The following FBXO28 variants were observed in gnomAD, a reference collection of about 807,000 sequenced individuals.
FBXO28 encodes the protein F-box only protein 28.
A neutral mutation model predicts 38.1 loss-of-function variants in FBXO28; 8 were observed. The ratio of observed to expected loss-of-function variants is 0.21; its 90% confidence interval spans 0.12 to 0.38. The LOEUF (loss-of-function observed/expected upper bound fraction) is 0.38, where lower values mean the gene tolerates loss of function less well. Ranked by LOEUF, FBXO28 falls within the 10% of genes least tolerant of loss-of-function variation. FBXO28 has a pLI of 1.00. For missense variants in FBXO28, 345 were observed against 460.6 expected (o/e 0.75, Z 2.30); for synonymous variants, 168 against 173.8 (o/e 0.97, Z 0.26).
chr1:224,157,566 C>T lies in FBXO28; in HGVS notation c.927C>T (p.Ile309=), dbSNP rs777854711. 1.2e-6 allele frequency: 2 copies of T among 1,614,218 alleles called. No individual in the cohort carries two copies. Among genetic ancestry groups the T allele is most frequent in the Non-Finnish European group, 1.7e-6 (2 of 1,180,044 alleles). ...AGAAACTGCTAGAGCAGACCCAGAT[C>T]ATAGGTGAACAAAATGCACGGTTGG... ...QDQKLLEQTQ[I]IGEQNARLAE... is the part of the protein sequence containing the mutation. The change falls in exon 5 of 5, where the codon ATC becomes ATT. Residue 309 remains isoleucine (I), a synonymous_variant. Transcript: ENST00000366862.
chr1:224,116,076 A>G (rs1430441743), intron 1 of FBXO28, among the ~76,000 whole-genome samples: 1 of 152,144 alleles, frequency 6.6e-6, no homozygotes, highest in Non-Finnish European at 1.5e-5. Flanking sequence ...TATAATTTCA[A>G]ACTCAGATTT....
At chr1:224,123,648 G>A (rs560089496) in intron 1 of FBXO28, among the ~76,000 whole-genome samples, 16 of 151,874 alleles carry the variant, frequency 1.1e-4, no homozygotes, top group South Asian at 4.2e-4. Flanking sequence ...TCTTAAAATC[G>A]AAGGAGTTGA....
intron 1 of FBXO28, 141 bp downstream of exon 1, chr1:224,114,537 A>G: frequency 1.5e-6 from 1 of 686,342 alleles, no homozygotes; most frequent in Non-Finnish European, 2.4e-6. Flanking sequence ...TCCCGTCCCG[A>G]ACTCTCCCTT....
At chr1:224,121,381 G>A (rs1229724306) in intron 1 of FBXO28, among the ~76,000 whole-genome samples, 2 of 152,090 alleles carry the variant, frequency 1.3e-5, no homozygotes, top group East Asian at 1.9e-4. Flanking sequence ...GGGTATATAC[G>A]CAGAGAATCT....
chr1:224,152,728 A>G (rs1657676204), intron 3 of FBXO28, among the ~76,000 whole-genome samples: 1 of 152,028 alleles, frequency 6.6e-6, no homozygotes, highest in Non-Finnish European at 1.5e-5. Context: ...CAAGAGTTTG[A>G]GACCAACCTG....
intron 3 of FBXO28, among the ~76,000 whole-genome samples, chr1:224,135,148 T>G (rs1018169022): frequency 1.6e-4 from 24 of 152,314 alleles, no homozygotes; most frequent in Middle Eastern, 3.4e-3. Context: ...TACCAACACA[T>G]TACCTGCTAA....
chr1:224,158,123 T>A lies in FBXO28; in HGVS notation c.*377T>A. 1.0e-6 allele frequency: 1 copy of A among 995,854 alleles called. No individual in the cohort carries two copies. Among genetic ancestry groups the A allele is most frequent in the Non-Finnish European group, 1.2e-6 (1 of 837,178 alleles). 61.7% of individuals were successfully genotyped at this position (995,854 alleles called of 1,614,324 possible). On this transcript the variant is annotated 3_prime_UTR_variant, in exon 5 of 5. Transcript: ENST00000366862. ...TAAGTTTAATACAGAAAATGTCCTG[T>A]TCACTTGAAAGAAAAGACCTACTTT...
chr1:224,131,806 C>G (rs970553609), intron 2 of FBXO28, among the ~76,000 whole-genome samples: 4 of 151,974 alleles, frequency 2.6e-5, no homozygotes, highest in African/African-American at 7.3e-5. Flanking sequence ...AAAAATTAAG[C>G]AAATTGGACT....
chr1:224,126,383 C>G (rs552670759), intron 1 of FBXO28, among the ~76,000 whole-genome samples: 2 of 152,284 alleles, frequency 1.3e-5, no homozygotes, highest in East Asian at 3.9e-4. Flanking sequence ...AAATATATTG[C>G]TGCTAAAAAT....
At chr1:224,126,399 C>A (rs146909985) in intron 1 of FBXO28, among the ~76,000 whole-genome samples, 1 of 152,178 alleles carries the variant, frequency 6.6e-6, no homozygotes, top group Non-Finnish European at 1.5e-5. Flanking sequence ...AAAATTATTT[C>A]TTCTCAGAAA....
intron 1 of FBXO28, among the ~76,000 whole-genome samples, chr1:224,118,602 C>T (rs1398203022): frequency 6.6e-6 from 1 of 152,154 alleles, no homozygotes; most frequent in Non-Finnish European, 1.5e-5. Flanking sequence ...AAATCTATTA[C>T]CTATTTATAG....
At chr1:224,155,204 C>T (rs1302148364) in intron 4 of FBXO28, among the ~76,000 whole-genome samples, 3 of 151,764 alleles carry the variant, frequency 2.0e-5, no homozygotes, top group Non-Finnish European at 1.5e-5. Context: ...CTCACTCTGT[C>T]GCCCAGGCTG....
intron 3 of FBXO28, among the ~76,000 whole-genome samples, chr1:224,143,793 G>A (rs1241384210): frequency 3.4e-5 from 5 of 145,606 alleles, no homozygotes; most frequent in African/African-American, 7.7e-5. Context: ...CTGAGATCAC[G>A]CCACTGCACT....
chr1:224,123,461 A>AAAAAT (rs1656827310), intron 1 of FBXO28, among the ~76,000 whole-genome samples: 1 of 151,344 alleles, frequency 6.6e-6, no homozygotes, highest in African/African-American at 2.4e-5. Flanking sequence ...AAAAAAAAAA[A>AAAAAT]AAAAATTGGG....
At chr1:224,133,993 A>T in intron 2 of FBXO28, 81 bp from the exon 3 acceptor site, 1 of 998,468 alleles carries the variant, frequency 1.0e-6, no homozygotes, top group Non-Finnish European at 1.4e-6. Context: ...CTGTTTCATT[A>T]AGCCATCTTG....
chr1:224,137,734 C>G (rs66506223), intron 3 of FBXO28, among the ~76,000 whole-genome samples: 76,709 of 151,542 alleles, frequency 0.51, 20,871 homozygotes, highest in South Asian at 0.6. Flanking sequence ...GAGTTAAAAG[C>G]TCCAGCCAGA....
intron 1 of FBXO28, among the ~76,000 whole-genome samples, chr1:224,123,848 C>G (rs769159111): frequency 1.3e-5 from 2 of 152,182 alleles, no homozygotes; most frequent in Non-Finnish European, 2.9e-5. Flanking sequence ...ATGGCCCATG[C>G]CTGTAATCCC....
chr1:224,154,910 G>A (rs1450588941), intron 4 of FBXO28, among the ~76,000 whole-genome samples: 9 of 150,740 alleles, frequency 6.0e-5, no homozygotes, highest in Non-Finnish European at 1.0e-4. Flanking sequence ...CCCAAGAGGC[G>A]GAGGTTGCGG....
intron 3 of FBXO28, among the ~76,000 whole-genome samples, chr1:224,135,058 C>T (rs999684057): frequency 1.3e-5 from 2 of 152,088 alleles, no homozygotes; most frequent in Non-Finnish European, 2.9e-5. Context: ...AATCCCATTT[C>T]TTATGATTGT....
Sources: allele counts gnomAD v4.1 joint callset (sites outside exome capture counted in the v4.1 genomes callset), GRCh38; gene constraint gnomAD v4.1.1; transcripts MANE v1.5; gene names NCBI Gene and HGNC (gene_info 2026-07-23, HGNC 2026-07-21).